Variants in QSOX2 observed in about 807,000 individuals in gnomAD.
The protein encoded by QSOX2 is sulfhydryl oxidase 2.
In QSOX2, 46 loss-of-function variants were observed where a neutral mutation model predicts 61.7. The observed-to-expected ratio is 0.75, with a 90% confidence interval of 0.59 to 0.95. QSOX2 has a LOEUF of 0.95. QSOX2 is among the 40% of genes least tolerant of loss of function. The pLI is 0.00. For missense variants in QSOX2, 879 were observed against 918.9 expected (o/e 0.96, Z 0.56); for synonymous variants, 383 against 388.4 (o/e 0.99, Z 0.16).
rs561887692 is a variant in QSOX2, at chr9:136,222,123, C to A, written c.676-182G>T. 6.6e-6 allele frequency among the ~76,000 whole-genome samples: 1 copy of A among 152,230 alleles called. No individual in the cohort carries two copies. The highest frequency in any genetic ancestry group is 1.5e-5 in the Non-Finnish European group (1 of 68,044). On this transcript the variant is annotated intron_variant, in intron 5 of 11. Transcript: ENST00000358701. This position sits in a 1 kb window ranked among gnomAD's most constrained non-coding sequence, Gnocchi z 6.9. ...GCACTTTAAGGCAACTGACGGCACA[C>A]ACGCCATGAGCAGAAACCACGGTCT...
intron 1 of QSOX2, among the ~76,000 whole-genome samples, chr9:136,233,154 C>T (rs567122447): frequency 7.2e-5 from 11 of 152,148 alleles, no homozygotes; most frequent in Non-Finnish European, 1.0e-4. Flanking sequence ...TATAAAGCCG[C>T]TAACCCTGAG....
chr9:136,243,796 A>C (rs780712360), intron 1 of QSOX2, among the ~76,000 whole-genome samples: 1 of 152,168 alleles, frequency 6.6e-6, no homozygotes, highest in Non-Finnish European at 1.5e-5. Context: ...TTTCACTTTC[A>C]GCCATATCCT....
chr9:136,238,637 C>A (rs574909240), intron 1 of QSOX2, among the ~76,000 whole-genome samples: 1 of 152,330 alleles, frequency 6.6e-6, no homozygotes, highest in African/African-American at 2.4e-5. Context: ...CGCGGCCTGG[C>A]CTCTCTCACA....
At position 136,209,648 on chromosome 9, in the gene QSOX2, T is replaced by C. The variant is rs1831821922; in HGVS notation, c.1550-373A>G. 2.0e-6 allele frequency: 2 copies of C among 985,084 alleles called. No homozygotes were observed. The highest frequency in any genetic ancestry group is 2.4e-6 in the Non-Finnish European group (2 of 829,856). The allele number at this position is 985,084 out of a possible 1,614,324, so 61.0% of individuals were successfully genotyped here. ...AGGCCTTTCTCCGCACAGTGCTGCC[T>C]GTGTGCCCCTCCCCCCACTGCTGCC... On this transcript the variant is annotated intron_variant, in intron 11 of 11. Transcript: ENST00000358701. The surrounding 1 kb of genome is among the most constrained non-coding windows in gnomAD (Gnocchi z 5.6).
chr9:136,236,153 A>G (rs1156298336), intron 1 of QSOX2, among the ~76,000 whole-genome samples: 1 of 152,124 alleles, frequency 6.6e-6, no homozygotes, highest in Non-Finnish European at 1.5e-5. Flanking sequence ...TGTCCCAGGC[A>G]TCGTCACAAC....
At chr9:136,224,451 C>T (rs1025745486) in intron 3 of QSOX2, among the ~76,000 whole-genome samples, 2 of 152,150 alleles carry the variant, frequency 1.3e-5, no homozygotes, top group Non-Finnish European at 2.9e-5. Flanking sequence ...CAGGGCGCGG[C>T]GAGGAGCAGG....
chr9:136,234,489 G>A (rs1830360631), intron 1 of QSOX2, among the ~76,000 whole-genome samples: 1 of 152,180 alleles, frequency 6.6e-6, no homozygotes, highest in African/African-American at 2.4e-5. Flanking sequence ...TTCCAGCTCA[G>A]CGTTGACAAC....
chr9:136,211,419 G>C lies in QSOX2; in HGVS notation c.1394C>G (p.Thr465Arg), dbSNP rs1183206541. 6.2e-7 allele frequency: 1 copy of C among 1,614,134 alleles called. No individual in the cohort carries two copies. ...FEDDPQAVLQ[T>R]MRRYVHTFFG... is the part of the protein sequence containing the mutation. ...GAAGGTGTGAACGTACCTCCTCATT[G>C]TCTGCAGCACAGCCTGGGGGTCGTC... Residue 465 changes from threonine (T) to arginine (R), a missense_variant, in exon 11 of 12, where the codon ACA becomes AGA. Coordinates refer to ENST00000358701, the MANE Select transcript of QSOX2 (RefSeq NM_181701.4).
chr9:136,236,344 G>A (rs1192183933), intron 1 of QSOX2, among the ~76,000 whole-genome samples: 1 of 148,430 alleles, frequency 6.7e-6, no homozygotes, highest in East Asian at 1.9e-4. Context: ...TGGCAATGGT[G>A]ATTCTCCTTC....
chr9:136,215,148 G>A lies in QSOX2; in HGVS notation c.1360+6C>T, dbSNP rs762177456. The A allele has an allele frequency of 6.2e-7, 1 of 1,613,242 alleles. No individual in the cohort carries two copies. The highest frequency in any genetic ancestry group is 8.5e-7 in the Non-Finnish European group (1 of 1,179,760). On this transcript the variant is annotated splice_donor_region_variant and intron_variant, in intron 10 of 11. Coordinates refer to ENST00000358701, the MANE Select transcript of QSOX2 (RefSeq NM_181701.4). ...GGCCCCTCTGGCCTGTATGGGCACA[G>A]CTTACCTGTGCCAACCAGTGCATCT...
intron 1 of QSOX2, among the ~76,000 whole-genome samples, chr9:136,234,943 C>T (rs13292714): frequency 0.05 from 6,937 of 139,180 alleles, 325 homozygotes; most frequent in South Asian, 0.12. Context: ...CTTTACCGGG[C>T]TCGTTCCTAT....
chr9:136,215,920 G>A (rs1167607574), intron 9 of QSOX2, among the ~76,000 whole-genome samples: 4 of 152,248 alleles, frequency 2.6e-5, no homozygotes, highest in Non-Finnish European at 5.9e-5. Flanking sequence ...CGAGCTCGGA[G>A]TAGAGTCAAG....
At chr9:136,237,803 C>G (rs1830402800) in intron 1 of QSOX2, among the ~76,000 whole-genome samples, 1 of 152,262 alleles carries the variant, frequency 6.6e-6, no homozygotes, top group South Asian at 2.1e-4. Context: ...TGCCAGTGTC[C>G]AAGTAGAATT....
intron 1 of QSOX2, among the ~76,000 whole-genome samples, chr9:136,233,455 C>T (rs935895169): frequency 7.2e-5 from 11 of 152,188 alleles, no homozygotes; most frequent in Non-Finnish European, 1.3e-4. Flanking sequence ...CCTCTCAGGA[C>T]GGCCAACACG....
rs1831978490 is a variant in QSOX2, at chr9:136,221,333, G to A, written c.821+463C>T. On this transcript the variant is annotated intron_variant, in intron 6 of 11. Coordinates refer to ENST00000358701, the MANE Select transcript of QSOX2 (RefSeq NM_181701.4). The surrounding 1 kb of genome is among the most constrained non-coding windows in gnomAD (Gnocchi z 4.5). ...AGGTTCTGCAGTTCTTAGAGAAAGA[G>A]CAGAACGTGAGGGGCAGGGCCTGGT... Among the ~76,000 whole-genome samples, 1 of 152,234 alleles carries A rather than the reference G, an allele frequency of 6.6e-6. No individual in the cohort carries two copies. Among genetic ancestry groups the A allele is most frequent in the Non-Finnish European group, 1.5e-5 (1 of 68,042 alleles).
intron 1 of QSOX2, among the ~76,000 whole-genome samples, chr9:136,231,772 G>C (rs1830332307): frequency 1.3e-5 from 2 of 152,214 alleles, no homozygotes; most frequent in South Asian, 4.1e-4. Flanking sequence ...TCCATCAAAG[G>C]CTGTGGTGTG....
chr9:136,234,701 G>A (rs773211807), intron 1 of QSOX2, among the ~76,000 whole-genome samples: 1 of 144,426 alleles, frequency 6.9e-6, no homozygotes, highest in Non-Finnish European at 1.5e-5. Flanking sequence ...GGGCCCTGGA[G>A]GAAGCCCCGA....
intron 1 of QSOX2, among the ~76,000 whole-genome samples, chr9:136,232,797 G>A (rs188324192): frequency 1.7e-4 from 26 of 151,768 alleles, no homozygotes; most frequent in Non-Finnish European, 2.6e-4. Flanking sequence ...AGCCAGGCAC[G>A]GTGGTCCCAG....
intron 1 of QSOX2, among the ~76,000 whole-genome samples, chr9:136,243,974 T>C (rs1830451563): frequency 6.6e-6 from 1 of 152,168 alleles, no homozygotes; most frequent in African/African-American, 2.4e-5. Context: ...GGGACAGTTC[T>C]CAAGGCTGCC....
Sources: allele counts gnomAD v4.1 joint callset (sites outside exome capture counted in the v4.1 genomes callset), GRCh38; gene constraint gnomAD v4.1.1; non-coding constraint Gnocchi (gnomAD v3.1); transcripts MANE v1.5; gene names NCBI Gene and HGNC (gene_info 2026-07-23, HGNC 2026-07-21).